Variants in SCAI observed in about 807,000 individuals in gnomAD.
SCAI encodes the protein suppressor of cancer cell invasion.
SCAI carries 24 observed loss-of-function variants against 92.2 expected under a neutral mutation model. That is an observed-to-expected ratio of 0.26 (90% CI 0.19 to 0.37). The LOEUF is 0.37. SCAI is among the 10% of genes least tolerant of loss of function. The pLI, the probability that SCAI is intolerant of heterozygous loss-of-function variation, is 1.00. For missense variants in SCAI, 450 were observed against 736.2 expected, an observed-to-expected ratio of 0.61 and a Z score of 4.50; for synonymous variants, 261 against 258.6, an observed-to-expected ratio of 1.01 and a Z score of -0.09.
At chr9:124,983,444 C>T (rs1056910119) in intron 14 of SCAI, among the ~76,000 whole-genome samples, 2 of 152,168 alleles carry the variant, frequency 1.3e-5, no homozygotes, top group South Asian at 4.1e-4. Context: ...CACCACCTCC[C>T]GGGTTCAAGC....
At chr9:125,101,362 A>G (rs564526630) in intron 2 of SCAI, among the ~76,000 whole-genome samples, 12 of 152,220 alleles carry the variant, frequency 7.9e-5, no homozygotes, top group African/African-American at 2.7e-4. Flanking sequence ...CACAGTTTAA[A>G]TCAGTAGAGA....
intron 15 of SCAI, among the ~76,000 whole-genome samples, chr9:124,975,610 C>A (rs1831738758): frequency 6.6e-6 from 1 of 152,172 alleles, no homozygotes; most frequent in African/African-American, 2.4e-5. Flanking sequence ...AGAAGAGGTT[C>A]TTTTATTTTT....
intron 3 of SCAI, among the ~76,000 whole-genome samples, chr9:125,036,638 T>C (rs1160022921): frequency 6.6e-6 from 1 of 152,216 alleles, no homozygotes; most frequent in African/African-American, 2.4e-5. Context: ...ATTTTTTGAA[T>C]TGGTAATTTA....
intron 2 of SCAI, among the ~76,000 whole-genome samples, chr9:125,110,558 G>A (rs1834909547): frequency 6.6e-6 from 1 of 152,096 alleles, no homozygotes; most frequent in African/African-American, 2.4e-5. Flanking sequence ...TGGATCATGG[G>A]GGTAGTTCCT....
chr9:124,978,115 C>T (rs1331592384), intron 14 of SCAI, among the ~76,000 whole-genome samples: 1 of 152,040 alleles, frequency 6.6e-6, no homozygotes, highest in Non-Finnish European at 1.5e-5. Flanking sequence ...ATATCTGGAA[C>T]TCACATTACA....
intron 3 of SCAI, among the ~76,000 whole-genome samples, chr9:125,040,771 G>A (rs1446707959): frequency 1.3e-5 from 2 of 151,546 alleles, no homozygotes; most frequent in African/African-American, 2.4e-5. Flanking sequence ...GATTACAGGT[G>A]CACACCACCA....
At chr9:125,139,131 GACCAGGT>G (rs1835608864) in intron 2 of SCAI, among the ~76,000 whole-genome samples, 1 of 152,176 alleles carries the variant, frequency 6.6e-6, no homozygotes, top group Non-Finnish European at 1.5e-5. Flanking sequence ...ACCCAAAGCA[GACCAGGT>G]ACTGTGGCTG....
chr9:125,084,158 CTTTTTTTTTTTT>C lies in SCAI; in HGVS notation c.99-28163_99-28152del, dbSNP rs34786493. The stretch of plus-strand genomic sequence containing the variant: ...ATATGAACAGGACTCTTGGCTGCTG[CTTTTTTTTTTTT>C]TTTTTTTTTTTTTTTTTTGAGATGG... On this transcript the variant is annotated intron_variant, in intron 2 of 17. Coordinates refer to ENST00000336505, the MANE Select transcript of SCAI (RefSeq NM_001144877.3). 6.4e-4 allele frequency among the ~76,000 whole-genome samples: 42 copies of C among 65,134 alleles called. No homozygotes were observed. The East Asian group carries it at 0.02, about 31-fold the overall frequency. 42.7% of individuals were successfully genotyped at this position (65,134 alleles called of 152,430 possible). A position where few individuals can be genotyped will look rare whatever the true frequency, so the allele number is the denominator to read the frequency against.
At chr9:125,074,063 T>C (rs1203215593) in intron 2 of SCAI, among the ~76,000 whole-genome samples, 1 of 151,560 alleles carries the variant, frequency 6.6e-6, no homozygotes, top group Non-Finnish European at 1.5e-5. Context: ...ATCGAGACCG[T>C]CCTGGCTAAC....
At chr9:125,125,014 G>A (rs1835231033) in intron 2 of SCAI, among the ~76,000 whole-genome samples, 1 of 151,890 alleles carries the variant, frequency 6.6e-6, no homozygotes, top group African/African-American at 2.4e-5. Flanking sequence ...TGAGGTCAGG[G>A]GTTCCAGACC....
chr9:124,982,500 C>T (rs1831906615), intron 14 of SCAI, among the ~76,000 whole-genome samples: 1 of 151,718 alleles, frequency 6.6e-6, no homozygotes, highest in Admixed American at 6.6e-5. Context: ...GGTGAAACCC[C>T]ATCTCTACTA....
chr9:124,972,772 T>TCC (rs1831684696), intron 15 of SCAI, among the ~76,000 whole-genome samples: 1 of 152,182 alleles, frequency 6.6e-6, no homozygotes, highest in Non-Finnish European at 1.5e-5. Context: ...CTGCCTTCCC[T>TCC]CCCCACACCT....
chr9:124,965,329 T>G (rs113857486), intron 17 of SCAI, among the ~76,000 whole-genome samples: 34 of 152,042 alleles, frequency 2.2e-4, no homozygotes, highest in African/African-American at 7.2e-4. Context: ...CGCCTTCTGG[T>G]TTCAAGCAGT....
chr9:125,046,300 C>A (rs1833438526), intron 3 of SCAI, among the ~76,000 whole-genome samples: 1 of 69,758 alleles, frequency 1.4e-5, no homozygotes, highest in African/African-American at 5.5e-5. Context: ...CTTTTATGGC[C>A]TATCTCATAT....
At chr9:125,132,218 A>G (rs1024711691) in intron 2 of SCAI, among the ~76,000 whole-genome samples, 5 of 151,846 alleles carry the variant, frequency 3.3e-5, no homozygotes, top group Admixed American at 6.6e-5. Flanking sequence ...GGTTTAAGCA[A>G]TTCTCCTGCC....
At chr9:125,000,806 AT>A (rs1197749854) in intron 12 of SCAI, among the ~76,000 whole-genome samples, 1 of 152,212 alleles carries the variant, frequency 6.6e-6, no homozygotes, top group Non-Finnish European at 1.5e-5. Flanking sequence ...AATATCCATT[AT>A]TATCACTATT....
chr9:125,014,007 T>C (rs1369338853), intron 9 of SCAI, among the ~76,000 whole-genome samples: 1 of 151,862 alleles, frequency 6.6e-6, no homozygotes, highest in Non-Finnish European at 1.5e-5. Context: ...TCTCAATAAA[T>C]TAGGTATTGA....
At chr9:125,024,804 G>C (rs1280912357) in intron 6 of SCAI, among the ~76,000 whole-genome samples, 2 of 152,134 alleles carry the variant, frequency 1.3e-5, no homozygotes, top group Non-Finnish European at 2.9e-5. Context: ...AACAGAATTG[G>C]GGTGTGCAGC....
intron 2 of SCAI, among the ~76,000 whole-genome samples, chr9:125,066,559 C>T (rs1588192824): frequency 6.6e-6 from 1 of 151,844 alleles, no homozygotes; most frequent in Admixed American, 6.6e-5. Context: ...GGGTTCACAC[C>T]ATTCTCCTGC....
Sources: gnomAD v4.1 joint callset for allele counts (sites outside exome capture counted in the v4.1 genomes callset) on GRCh38, gnomAD v4.1.1 for gene constraint, MANE v1.5 for transcripts, NCBI Gene and HGNC (gene_info 2026-07-23, HGNC 2026-07-21) for gene names.